ADAMTS7: variants seen among roughly 807,000 people sequenced by gnomAD.
The protein encoded by ADAMTS7 is ADAM metallopeptidase with thrombospondin type 1 motif 7, also known as A disintegrin and metalloproteinase with thrombospondin motifs 7.
Under a neutral mutation model 172.6 loss-of-function variants are expected in ADAMTS7, and 89 were observed. The observed-to-expected ratio is 0.52, with a 90% CI of 0.43 to 0.61. ADAMTS7 has a LOEUF of 0.61. Ranked by LOEUF, ADAMTS7 falls within the 20% of genes least tolerant of loss-of-function variation. ADAMTS7 has a pLI of 0.00. For missense variants in ADAMTS7, 1,973 were observed against 2,355.6 expected, an observed-to-expected ratio of 0.84 and a Z score of 3.36; for synonymous variants, 885 against 978.4, an observed-to-expected ratio of 0.90 and a Z score of 1.78.
At chr15:78,795,941 T>G (rs1228290579) in intron 4 of ADAMTS7, among the ~76,000 whole-genome samples, 1 of 152,180 alleles carries the variant, frequency 6.6e-6, no homozygotes, top group Admixed American at 6.5e-5. Context: ...CCTGCCTGGT[T>G]GTGTGACCTG....
chr15:78,781,406 T>C (rs1366179450), intron 8 of ADAMTS7, among the ~76,000 whole-genome samples: 1 of 152,064 alleles, frequency 6.6e-6, no homozygotes, highest in Non-Finnish European at 1.5e-5. Context: ...GGTGAAAGTG[T>C]GAAAGGACCT....
rs2055169041 is a variant in ADAMTS7, at chr15:78,767,059, G to A, written c.2860-8C>T. 1 of 1,530,110 alleles carries A rather than the reference G, an allele frequency of 6.5e-7. No homozygotes were observed. Among genetic ancestry groups the A allele is most frequent in the African/African-American group, 1.4e-5 (1 of 72,240 alleles). The allele number at this position is 1,530,110 out of a possible 1,614,324, so 94.8% of individuals were successfully genotyped here. A position where few individuals can be genotyped will look rare whatever the true frequency, so the allele number is the denominator to read the frequency against. ...CCCACATGTCACTGAGCACTGCAGG[G>A]GAAGCCAGGGTGAGGGGCTTACCCT... On this transcript the variant is annotated splice_polypyrimidine_tract_variant and splice_region_variant and intron_variant, in intron 18 of 23. Coordinates refer to ENST00000388820, the MANE Select transcript of ADAMTS7 (RefSeq NM_014272.5).
At position 78,763,733 on chromosome 15, in the gene ADAMTS7, G is replaced by T; in HGVS notation, c.4706C>A (p.Pro1569His). ...GGGCCCCACCACCCACTGCGTGCAG[G>T]GGTGGGTGTTGCAGGGCCGGGTGGT... Reference protein sequence around the residue: ...PNTTRPCNTHPCTQWVVGPWG... With the variant: ...PNTTRPCNTHHCTQWVVGPWG... Residue 1569 changes from proline (P) to histidine (H), a missense_variant, in exon 22 of 24, where the codon CCC becomes CAC. Pro to His is a moderately conservative substitution (Grantham distance 77, BLOSUM62 -2). Transcript: ENST00000388820. The T allele has an allele frequency of 1.3e-6, 2 of 1,591,702 alleles. No individual in the cohort carries two copies.
chr15:78,768,895 G>A (rs1007695326), intron 16 of ADAMTS7, among the ~76,000 whole-genome samples: 2 of 152,220 alleles, frequency 1.3e-5, no homozygotes, highest in African/African-American at 2.4e-5. Flanking sequence ...CAGAATGAAA[G>A]CCCGATTCCC....
At position 78,768,122 on chromosome 15, in the gene ADAMTS7, G is replaced by A. The variant is rs1288045329; in HGVS notation, c.2645+11C>T. The A allele has an allele frequency of 1.3e-6, 2 of 1,548,334 alleles. No individual in the cohort carries two copies. Among genetic ancestry groups the A allele is most frequent in the Non-Finnish European group, 8.7e-7 (1 of 1,148,070 alleles). On this transcript the variant is annotated intron_variant, in intron 17 of 23. Coordinates refer to ENST00000388820, the MANE Select transcript of ADAMTS7 (RefSeq NM_014272.5). ...GGGTGGGGAGTTGGCGGGGGATGGG[G>A]GCGGGCTCACCTGGCAGGGCAGGGC...
Position 78,767,495 on chromosome 15 carries a change from C to T in ADAMTS7, c.2743G>A (p.Glu915Lys), listed in dbSNP as rs1159689711. The part of the protein sequence containing the change: ...VLCIRSVGLD[E>K]QSALEPPACE... The stretch of plus-strand genomic sequence containing the variant: ...GCGGGTGGCTCCAGGGCGCTCTGCT[C>T]ATCCAGCCCCACGCTGCGGATGCAG... The change falls in exon 18 of 24, where the codon GAG (glutamate) becomes AAG (lysine). Residue 915 changes from glutamate to lysine, a missense_variant. Physicochemically the swap from Glu to Lys is moderately conservative, Grantham distance 56 (BLOSUM62 1). Coordinates refer to ENST00000388820, the MANE Select transcript of ADAMTS7 (RefSeq NM_014272.5). 3.7e-6 allele frequency: 6 copies of T among 1,610,114 alleles called. No individual in the cohort carries two copies. The highest frequency in any genetic ancestry group is 1.3e-5 in the African/African-American group (1 of 74,968).
rs2055468207 is a variant in ADAMTS7, at chr15:78,784,038, A to T, written c.1322+4193T>A. On this transcript the variant is annotated intron_variant, in intron 8 of 23. Coordinates refer to ENST00000388820, the MANE Select transcript of ADAMTS7 (RefSeq NM_014272.5). ...AAAAAATGAAAATTTTAATAGAAGGATTGTAAAGTATAGATAAATCAGATG... is the reference window on the plus strand; with the variant it reads ...AAAAAATGAAAATTTTAATAGAAGGTTTGTAAAGTATAGATAAATCAGATG... Among the ~76,000 whole-genome samples, 4 of 152,258 alleles carry T rather than the reference A, an allele frequency of 2.6e-5. No homozygotes were observed. In the South Asian group the frequency reaches 8.3e-4, roughly 32 times the overall value.
At chr15:78,764,422 C>CTGA in intron 20 of ADAMTS7, 133 bp downstream of exon 20, 1 of 1,221,958 alleles carries the variant, frequency 8.2e-7, no homozygotes, top group South Asian at 1.6e-5. Context: ...ATTCAGAATC[C>CTGA]GGTGTGATCG....
rs373476731 is a variant in ADAMTS7 at position 78,785,949 on chromosome 15, G to A, written c.1322+2282C>T. On this transcript the variant is annotated intron_variant, in intron 8 of 23. Coordinates refer to ENST00000388820, the MANE Select transcript of ADAMTS7 (RefSeq NM_014272.5). ...TTCTATTATTTTTTTTTTTTGAGAC[G>A]GAGTTTTTTTGCTCTTGTTGCCCAG... Among the ~76,000 whole-genome samples the A allele has an allele frequency of 3.9e-3, 500 of 126,930 alleles. 2 individuals are homozygous for A. Among genetic ancestry groups the A allele is most frequent in the African/African-American group, 0.012 (460 of 37,876 alleles). The allele number at this position is 126,930 out of a possible 152,430, so 83.3% of individuals were successfully genotyped here.
At chr15:78,799,902 C>G (rs1199553553) in intron 2 of ADAMTS7, among the ~76,000 whole-genome samples, 1 of 151,888 alleles carries the variant, frequency 6.6e-6, no homozygotes, top group Non-Finnish European at 1.5e-5. Flanking sequence ...TCACCACACC[C>G]TACATCCTTG....
rs1395551978 is a variant in ADAMTS7 at position 78,759,346 on chromosome 15, G to A, written c.*75C>T. 1.9e-5 allele frequency: 28 copies of A among 1,445,060 alleles called. No individual in the cohort carries two copies. Among genetic ancestry groups the A allele is most frequent in the Admixed American group, 1.1e-4 (5 of 44,826 alleles). 89.5% of individuals were successfully genotyped at this position (1,445,060 alleles called of 1,614,324 possible). A position where few individuals can be genotyped will look rare whatever the true frequency, so the allele number is the denominator to read the frequency against. ...GAGAGGGGGTTAGCACCATTAGGGC[G>A]CAGGGGGCGGGAGCTCCGCCACAGC... On this transcript the variant is annotated 3_prime_UTR_variant, in exon 24 of 24. Transcript: ENST00000388820.
At position 78,788,351 on chromosome 15, in the gene ADAMTS7, C is replaced by T. The variant is rs750040965; in HGVS notation, c.1202G>A (p.Ser401Asn). 79 of 1,613,012 alleles carry T rather than the reference C, an allele frequency of 4.9e-5. 1 individual carries two copies. The South Asian group carries it at 7.5e-4, about 15-fold the overall frequency. The change falls in exon 8 of 24, where the codon AGC (serine) becomes AAC (asparagine). Residue 401 changes from serine (S) to asparagine (N), a missense_variant. By Grantham distance (46) the Ser-to-Asn change is conservative (BLOSUM62 1). Around this residue, in one of 8 missense-constraint regions of ADAMTS7, gnomAD observed 526 missense variants for 662.9 expected, o/e 0.79. Coordinates refer to ENST00000388820, the MANE Select transcript of ADAMTS7 (RefSeq NM_014272.5). The part of the protein sequence containing the change: ...GHSFGIQHDG[S>N]GNDCEPVGKR... The stretch of plus-strand genomic sequence containing the variant: ...CCCAACGGGCTCACAGTCATTGCCG[C>T]TTCCGTCATGCTGAATGCCAAAACT...
Position 78,795,901 on chromosome 15 carries a change from T to C in ADAMTS7, c.819+689A>G, listed in dbSNP as rs76372784. ...CAGCCACAGTGCCCCCGGTGGGACT[T>C]AGGACACCTGAGCTCCCATCTGGCT... On this transcript the variant is annotated intron_variant, in intron 4 of 23. Transcript: ENST00000388820. 9.3e-3 allele frequency among the ~76,000 whole-genome samples: 1,409 copies of C among 152,238 alleles called. 54 individuals are homozygous for C. In the East Asian group the frequency reaches 0.12, roughly 13 times the overall value.
At chr15:78,795,891 CG>C (rs2055636916) in intron 4 of ADAMTS7, among the ~76,000 whole-genome samples, 1 of 152,204 alleles carries the variant, frequency 6.6e-6, no homozygotes, top group South Asian at 2.1e-4. Context: ...ACAGTGCCCC[CG>C]GTGGGACTTA....
Position 78,777,493 on chromosome 15 carries a change from T to G in ADAMTS7, c.1418A>C (p.Gln473Pro). 1 of 1,612,900 alleles carries G rather than the reference T, an allele frequency of 6.2e-7. No individual in the cohort carries two copies. The highest frequency in any genetic ancestry group is 8.5e-7 in the Non-Finnish European group (1 of 1,179,580). ...GTAGGCCCCGTACTGGAGGCGGCACTGGTGGCTTACATCATAGAGGACGCC... is the reference window on the plus strand; with the variant it reads ...GTAGGCCCCGTACTGGAGGCGGCACGGGTGGCTTACATCATAGAGGACGCC... Reference protein sequence around the residue: ...PPGVLYDVSHQCRLQYGAYSA... With the variant: ...PPGVLYDVSHPCRLQYGAYSA... Residue 473 changes from glutamine to proline, a missense_variant, in exon 9 of 24, where the codon CAG becomes CCG. This residue lies in a region of ADAMTS7 where 526 missense variants were observed against 662.9 expected (regional missense o/e 0.79). Transcript: ENST00000388820.
At chr15:78,772,088 C>T (rs1446312202) in intron 14 of ADAMTS7, among the ~76,000 whole-genome samples, 1 of 152,180 alleles carries the variant, frequency 6.6e-6, no homozygotes, top group Non-Finnish European at 1.5e-5. Context: ...GGATCCATTC[C>T]CTACTCTAAG....
chr15:78,764,925 C>T (rs1026860803), intron 19 of ADAMTS7: 4 of 508,924 alleles, frequency 7.9e-6, no homozygotes, highest in Non-Finnish European at 1.0e-5. Flanking sequence ...CGTCCCTGCT[C>T]ACATGGGACA....
Position 78,764,070 on chromosome 15 carries a change from T to C in ADAMTS7, c.4449A>G (p.Ser1483=). 6.5e-7 allele frequency: 1 copy of C among 1,530,474 alleles called. No individual in the cohort carries two copies. 94.8% of individuals were successfully genotyped at this position (1,530,474 alleles called of 1,614,324 possible). A position where few individuals can be genotyped will look rare whatever the true frequency, so the allele number is the denominator to read the frequency against. The change falls in exon 21 of 24, where the codon TCA becomes TCG. Residue 1483 remains serine, a synonymous_variant. Transcript: ENST00000388820. ...TGTCCACACACTGCACGTCCCGCAC[T>C]GAGGAACCTCCGCCGCAGCTGCGGG... ...KCSRSCGGGS[S]VRDVQCVDTR...
At chr15:78,799,018 T>C (rs1324214345) in intron 2 of ADAMTS7, among the ~76,000 whole-genome samples, 4 of 142,338 alleles carry the variant, frequency 2.8e-5, no homozygotes. Context: ...TGTTTCCTCA[T>C]CTGTGAAATG....
Sources: gnomAD v4.1 joint callset for allele counts (sites outside exome capture counted in the v4.1 genomes callset) on GRCh38, gnomAD v4.1.1 for gene constraint, gnomAD v4.1.1 regional missense constraint, MANE v1.5 for transcripts, NCBI Gene and HGNC (gene_info 2026-07-23, HGNC 2026-07-21) for gene names.